The following PIWIL2 variants were observed in gnomAD, a reference collection of about 807,000 sequenced individuals.
PIWIL2 encodes the protein piwi like RNA-mediated gene silencing 2, also known as piwi-like protein 2.
In PIWIL2, 81 loss-of-function variants were observed where a neutral mutation model predicts 116.5. The observed-to-expected ratio is 0.70, with a 90% CI of 0.58 to 0.84. PIWIL2 has a LOEUF of 0.84. Among genes scored for constraint, PIWIL2 ranks in the 40% least tolerant of loss-of-function variants. The pLI is 0.00. For missense variants in PIWIL2, 1,272 were observed against 1,212.3 expected, an observed-to-expected ratio of 1.05 and a Z score of -0.73; for synonymous variants, 489 against 429.5, an observed-to-expected ratio of 1.14 and a Z score of -1.71.
At chr8:22,308,508 C>A (rs1371985704) in intron 14 of PIWIL2, among the ~76,000 whole-genome samples, 7 of 151,906 alleles carry the variant, frequency 4.6e-5, no homozygotes, top group African/African-American at 1.5e-4. Context: ...CAAAAATTAG[C>A]TGAGTGTCGA....
intron 10 of PIWIL2, among the ~76,000 whole-genome samples, chr8:22,296,612 A>G (rs1830913767): frequency 6.6e-6 from 1 of 152,192 alleles, no homozygotes; most frequent in Non-Finnish European, 1.5e-5. Flanking sequence ...GCACTACTCC[A>G]TCGTCCTTGC....
At chr8:22,337,943 T>A (rs7834500) in intron 20 of PIWIL2, among the ~76,000 whole-genome samples, 9,271 of 149,782 alleles carry the variant, frequency 0.062, 353 homozygotes, top group Admixed American at 0.093. Context: ...AAAGTACAAG[T>A]ATTAGCAGGG....
intron 12 of PIWIL2, 72 bp downstream of exon 12, chr8:22,304,940 A>G (rs779445769): frequency 3.8e-6 from 4 of 1,040,744 alleles, no homozygotes; most frequent in Non-Finnish European, 6.0e-6. Flanking sequence ...AGCCGTCCTC[A>G]TGGCTTTGTG....
rs1468536554 is a variant in PIWIL2 at position 22,299,151 on chromosome 8, TAA to T, written c.1182-4868_1182-4867del. Among the ~76,000 whole-genome samples, 11 of 152,272 alleles carry T rather than the reference TAA, an allele frequency of 7.2e-5. No homozygotes were observed. The South Asian group carries it at 1.7e-3, about 23-fold the overall frequency. On this transcript the variant is annotated intron_variant, in intron 10 of 22. Transcript: ENST00000356766. ...TTCTTAGATATTAATCTTAAATTCATAAAGAATTTTCTAAAATTGGCTAGCAA... is the reference window on the plus strand; with the variant it reads ...TTCTTAGATATTAATCTTAAATTCATAGAATTTTCTAAAATTGGCTAGCAA...
intron 7 of PIWIL2, among the ~76,000 whole-genome samples, chr8:22,287,914 AC>A (rs1830666626): frequency 6.6e-6 from 1 of 152,144 alleles, no homozygotes; most frequent in African/African-American, 2.4e-5. Flanking sequence ...ACATCACAGC[AC>A]ATTTTAGGTT....
chr8:22,326,014 C>T (rs924114888), intron 20 of PIWIL2, among the ~76,000 whole-genome samples: 1 of 152,122 alleles, frequency 6.6e-6, no homozygotes, highest in Non-Finnish European at 1.5e-5. Flanking sequence ...TAGTGCTTCA[C>T]AGGGTTCAAG....
intron 5 of PIWIL2, 46 bp downstream of exon 5, chr8:22,283,286 ACT>A (rs1186117881): frequency 1.4e-6 from 2 of 1,476,942 alleles, no homozygotes; most frequent in Non-Finnish European, 9.4e-7. Flanking sequence ...GATCGTGAAA[ACT>A]CTGCATTTTG....
intron 10 of PIWIL2, among the ~76,000 whole-genome samples, chr8:22,294,333 C>CT (rs1394555404): frequency 5.2e-5 from 4 of 77,428 alleles, no homozygotes; most frequent in African/African-American, 1.7e-4. Flanking sequence ...GTGAGACTGT[C>CT]TTTAAAAAAA....
intron 20 of PIWIL2, among the ~76,000 whole-genome samples, chr8:22,333,526 C>T (rs749074819): frequency 1.3e-5 from 2 of 151,988 alleles, no homozygotes; most frequent in African/African-American, 2.4e-5. Flanking sequence ...GCAGGAGAAT[C>T]GCTTGAACCC....
Position 22,289,935 on chromosome 8 carries a change from C to T in PIWIL2, c.1067+8C>T, listed in dbSNP as rs771991756. 1.3e-6 allele frequency: 2 copies of T among 1,571,320 alleles called. No individual in the cohort carries two copies. Among genetic ancestry groups the T allele is most frequent in the African/African-American group, 2.7e-5 (2 of 74,076 alleles). ...GGTACTACAGCAACACAGGTTGGTACTTTTTTCCCTTCCCTCACTTTTGAA... is the reference window on the plus strand; with the variant it reads ...GGTACTACAGCAACACAGGTTGGTATTTTTTTCCCTTCCCTCACTTTTGAA... On this transcript the variant is annotated splice_region_variant and intron_variant, in intron 9 of 22. Coordinates refer to ENST00000356766, the MANE Select transcript of PIWIL2 (RefSeq NM_018068.5).
intron 2 of PIWIL2, among the ~76,000 whole-genome samples, chr8:22,280,580 C>A (rs1830476904): frequency 6.6e-6 from 1 of 152,072 alleles, no homozygotes; most frequent in Admixed American, 6.5e-5. Context: ...TTGCTTGAGT[C>A]TATATGTAGC....
chr8:22,283,603 G>A (rs576008238), intron 5 of PIWIL2, among the ~76,000 whole-genome samples: 1 of 152,216 alleles, frequency 6.6e-6, no homozygotes, highest in East Asian at 1.9e-4. Context: ...TAGAGATGGG[G>A]TCTCACCACC....
intron 1 of PIWIL2, chr8:22,275,978 CAA>C (rs899562761): frequency 1.3e-5 from 2 of 152,174 alleles, no homozygotes; most frequent in East Asian, 1.9e-4. Flanking sequence ...GAAGCGTGGA[CAA>C]AGAGGAAGAT....
intron 20 of PIWIL2, among the ~76,000 whole-genome samples, chr8:22,330,817 T>C (rs2404332): frequency 0.54 from 82,482 of 151,970 alleles, 24,690 homozygotes; most frequent in East Asian, 0.81. Context: ...TGACTTTTTT[T>C]CCCCATGCAT....
intron 20 of PIWIL2, among the ~76,000 whole-genome samples, chr8:22,348,812 A>AT (rs1353125300): frequency 6.6e-6 from 1 of 152,196 alleles, no homozygotes; most frequent in African/African-American, 2.4e-5. Flanking sequence ...ATTCTGACTC[A>AT]TCCCTCAATC....
intron 7 of PIWIL2, among the ~76,000 whole-genome samples, chr8:22,288,026 C>T (rs1006290452): frequency 1.8e-4 from 28 of 152,256 alleles, no homozygotes; most frequent in Admixed American, 5.2e-4. Flanking sequence ...AGGCCGGGTG[C>T]GGTGGCTCAC....
At chr8:22,281,089 T>A in intron 2 of PIWIL2, 31 bp from the exon 3 acceptor site, 1 of 1,442,394 alleles carries the variant, frequency 6.9e-7, no homozygotes, top group Non-Finnish European at 9.6e-7. Flanking sequence ...TTAAACTACC[T>A]CTTAGAACTT....
At chr8:22,305,520 C>T (rs1188314553) in intron 12 of PIWIL2, among the ~76,000 whole-genome samples, 1 of 152,084 alleles carries the variant, frequency 6.6e-6, no homozygotes, top group African/African-American at 2.4e-5. Context: ...GGGCCAGAGG[C>T]TTAAGGAAGG....
chr8:22,277,433 C>G (rs566486826), intron 1 of PIWIL2, among the ~76,000 whole-genome samples: 1 of 152,288 alleles, frequency 6.6e-6, no homozygotes, highest in African/African-American at 2.4e-5. Flanking sequence ...TTAAATGCAA[C>G]CTGTGAGACT....
Sources: gnomAD v4.1 joint callset for allele counts (sites outside exome capture counted in the v4.1 genomes callset) on GRCh38, gnomAD v4.1.1 for gene constraint, MANE v1.5 for transcripts, NCBI Gene and HGNC (gene_info 2026-07-23, HGNC 2026-07-21) for gene names.